Variants in LSMEM1 observed in about 807,000 individuals in gnomAD.
LSMEM1 encodes the protein leucine rich single-pass membrane protein 1.
In LSMEM1, 10 loss-of-function variants were observed where a neutral mutation model predicts 11.3. The observed-to-expected ratio is 0.89, with a 90% CI of 0.55 to 1.50. LSMEM1 has a LOEUF of 1.50. Among genes scored for constraint, LSMEM1 ranks in the 40% most tolerant of loss-of-function variants. The pLI, the probability that LSMEM1 is intolerant of heterozygous loss-of-function variation, is 0.00. For missense variants in LSMEM1, 151 were observed against 152.9 expected, an observed-to-expected ratio of 0.99 and a Z score of 0.06; for synonymous variants, 65 against 59.3, an observed-to-expected ratio of 1.10 and a Z score of -0.44.
At position 112,486,918 on chromosome 7, in the gene LSMEM1, A is replaced by G. The variant is rs1205601084; in HGVS notation, c.128-5A>G. 6.2e-6 allele frequency: 10 copies of G among 1,613,830 alleles called. No individual in the cohort carries two copies. The highest frequency in any genetic ancestry group is 1.7e-5 in the Admixed American group (1 of 59,940). On this transcript the variant is annotated splice_region_variant and splice_polypyrimidine_tract_variant and intron_variant, in intron 2 of 3. Coordinates refer to ENST00000312849, the MANE Select transcript of LSMEM1 (RefSeq NM_182597.3). ...TGTCCTTGTTTTTTGTTTGTTTCAT[A>G]TTAGCTCTAGAGGACAAAATCCCAG...
intron 3 of LSMEM1, among the ~76,000 whole-genome samples, chr7:112,489,465 G>C (rs763947236): frequency 1.3e-5 from 2 of 152,186 alleles, no homozygotes; most frequent in South Asian, 2.1e-4. Flanking sequence ...TTCTGAGAAT[G>C]GGTCTCAAAA....
intron 3 of LSMEM1, among the ~76,000 whole-genome samples, chr7:112,488,936 A>C (rs902783690): frequency 1.3e-5 from 2 of 152,188 alleles, no homozygotes; most frequent in African/African-American, 4.8e-5. Flanking sequence ...GCTGAAACTG[A>C]GATTTAGAGA....
At chr7:112,482,348 A>C (rs1037675774) in intron 1 of LSMEM1, among the ~76,000 whole-genome samples, 1 of 152,186 alleles carries the variant, frequency 6.6e-6, no homozygotes, top group African/African-American at 2.4e-5. Flanking sequence ...TGTACTCTTA[A>C]AGTCAGTTTT....
Position 112,490,855 on chromosome 7 carries a change from A to T in LSMEM1, c.*906A>T, listed in dbSNP as rs981398598. 1 of 152,232 alleles carries T rather than the reference A, an allele frequency of 6.6e-6. No homozygotes were observed. Among genetic ancestry groups the T allele is most frequent in the African/African-American group, 2.4e-5 (1 of 41,458 alleles). The allele number at this position is 152,232 out of a possible 1,614,324, so 9.4% of individuals were successfully genotyped here. A position where few individuals can be genotyped will look rare whatever the true frequency, so the allele number is the denominator to read the frequency against. On this transcript the variant is annotated 3_prime_UTR_variant, in exon 4 of 4. Coordinates refer to ENST00000312849, the MANE Select transcript of LSMEM1 (RefSeq NM_182597.3). ...AGTAAGACACACAGCATATGACATA[A>T]GACACAGTGTGAAATAAATGAGTTT...
intron 1 of LSMEM1, among the ~76,000 whole-genome samples, chr7:112,481,594 T>G (rs1017932243): frequency 6.6e-6 from 1 of 152,206 alleles, no homozygotes; most frequent in East Asian, 1.9e-4. Context: ...AATTCTGATT[T>G]TGTGGCAAGC....
chr7:112,481,080 A>G lies in LSMEM1; in HGVS notation c.-272A>G. On this transcript the variant is annotated 5_prime_UTR_variant, in exon 1 of 4. In the 5' UTR this introduces an upstream ATG that the reference lacks. Transcript: ENST00000312849. Reference sequence around the variant, plus strand: ...TTTTAAAGCATAGTTTTAGTAATATATTTACTAAAAACCTTAGACATTATG... The same window carrying G: ...TTTTAAAGCATAGTTTTAGTAATATGTTTACTAAAAACCTTAGACATTATG... 2.9e-6 allele frequency: 1 copy of G among 348,544 alleles called. No homozygotes were observed. Among genetic ancestry groups the G allele is most frequent in the East Asian group, 7.7e-5 (1 of 12,964 alleles). The allele number at this position is 348,544 out of a possible 1,614,324, so 21.6% of individuals were successfully genotyped here.
At chr7:112,486,827 A>G in intron 2 of LSMEM1, 96 bp from the exon 3 acceptor site, 1 of 1,523,764 alleles carries the variant, frequency 6.6e-7, no homozygotes, top group Non-Finnish European at 8.9e-7. Flanking sequence ...GGGTGTGTCC[A>G]TTACTCACGG....
chr7:112,486,528 G>A (rs139766794), intron 2 of LSMEM1: 31 of 327,314 alleles, frequency 9.5e-5, no homozygotes, highest in African/African-American at 6.0e-4. Context: ...TGTAATCCCA[G>A]CACTTTGGGA....
chr7:112,488,959 T>G (rs1367414284), intron 3 of LSMEM1, among the ~76,000 whole-genome samples: 1 of 152,262 alleles, frequency 6.6e-6, no homozygotes, highest in South Asian at 2.1e-4. Flanking sequence ...TCTATTAATG[T>G]GCCCAAGGTC....
chr7:112,486,853 C>CT, intron 2 of LSMEM1, 70 bp from the exon 3 acceptor site: 3 of 1,596,758 alleles, frequency 1.9e-6, no homozygotes, highest in Non-Finnish European at 2.6e-6. Context: ...CACTGGGGTA[C>CT]TGTTCAGTTC....
At chr7:112,485,013 C>T in intron 2 of LSMEM1, 70 bp downstream of exon 2, 2 of 1,433,496 alleles carry the variant, frequency 1.4e-6, no homozygotes, top group South Asian at 1.3e-5. Context: ...CCACTGCTGA[C>T]TGGATGTGTG....
chr7:112,490,594 C>G lies in LSMEM1; in HGVS notation c.*645C>G, dbSNP rs1022483128. On this transcript the variant is annotated 3_prime_UTR_variant, in exon 4 of 4. Coordinates refer to ENST00000312849, the MANE Select transcript of LSMEM1 (RefSeq NM_182597.3). ...AACTAATGTTTATTAAGCTCCTACT[C>G]TGTGCAAATCACTCTACTCAAGAGG... 3.3e-5 allele frequency: 5 copies of G among 152,196 alleles called. No homozygotes were observed. The highest frequency in any genetic ancestry group is 7.3e-5 in the Non-Finnish European group (5 of 68,060). The allele number at this position is 152,196 out of a possible 1,614,324, so 9.4% of individuals were successfully genotyped here.
chr7:112,481,062 G>C lies in LSMEM1; in HGVS notation c.-290G>C. The C allele has an allele frequency of 2.8e-6, 1 of 355,022 alleles. No individual in the cohort carries two copies. The highest frequency in any genetic ancestry group is 5.5e-6 in the Non-Finnish European group (1 of 181,780). The allele number at this position is 355,022 out of a possible 1,614,324, so 22.0% of individuals were successfully genotyped here. The stretch of plus-strand genomic sequence containing the variant: ...GTTTTTTTGTTGTTTTCTTTTTAAA[G>C]CATAGTTTTAGTAATATATTTACTA... On this transcript the variant is annotated 5_prime_UTR_variant, in exon 1 of 4. Transcript: ENST00000312849.
At chr7:112,488,860 G>A (rs961160788) in intron 3 of LSMEM1, among the ~76,000 whole-genome samples, 4 of 152,182 alleles carry the variant, frequency 2.6e-5, no homozygotes, top group East Asian at 1.9e-4. Context: ...GCCTTCCAAA[G>A]TGCTGGGATT....
chr7:112,487,141 G>A (rs781211710), intron 3 of LSMEM1, 90 bp downstream of exon 3: 2 of 1,413,606 alleles, frequency 1.4e-6, no homozygotes, highest in Non-Finnish European at 2.0e-6. Context: ...GCACCCTCCA[G>A]TCAATGCTTC....
At chr7:112,486,816 T>G in intron 2 of LSMEM1, 107 bp from the exon 3 acceptor site, 1 of 1,442,570 alleles carries the variant, frequency 6.9e-7, no homozygotes, top group Non-Finnish European at 9.4e-7. Context: ...AGAGAGAAAG[T>G]GGGTGTGTCC....
intron 1 of LSMEM1, chr7:112,483,676 G>T (rs1796075545): frequency 6.6e-6 from 1 of 152,188 alleles, no homozygotes; most frequent in African/African-American, 2.4e-5. Context: ...AAGGGATATA[G>T]AAAAGAAAAG....
chr7:112,486,522 A>T (rs1796130207), intron 2 of LSMEM1: 1 of 336,020 alleles, frequency 3.0e-6, no homozygotes, highest in Non-Finnish European at 6.1e-6. Context: ...CACGCCTGTA[A>T]TCCCAGCACT....
chr7:112,485,626 C>T (rs1296045635), intron 2 of LSMEM1, among the ~76,000 whole-genome samples: 2 of 151,930 alleles, frequency 1.3e-5, no homozygotes, highest in Admixed American at 6.6e-5. Flanking sequence ...TTCCAAGTTC[C>T]TCCTTTTTTT....
Sources: allele counts gnomAD v4.1 joint callset (sites outside exome capture counted in the v4.1 genomes callset), GRCh38; gene constraint gnomAD v4.1.1; transcripts MANE v1.5; gene names NCBI Gene and HGNC (gene_info 2026-07-23, HGNC 2026-07-21).